Variants in GRIA1 observed in about 807,000 individuals in gnomAD.
GRIA1 encodes glutamate ionotropic receptor AMPA type subunit 1, also known as glutamate receptor 1.
Under a neutral mutation model 99.2 loss-of-function variants are expected in GRIA1, and 31 were observed. The observed-to-expected ratio is 0.31, with a 90% CI of 0.23 to 0.42. The LOEUF is 0.42. GRIA1 is among the 10% of genes least tolerant of loss of function. The probability of loss-of-function intolerance (pLI) is 1.00; values close to 1 mark genes in which losing one functional copy is unlikely to be tolerated. For synonymous variants in GRIA1, 438 were observed against 432.4 expected, an observed-to-expected ratio of 1.01 and a Z score of -0.16; for missense variants, 782 against 1,157.5, an observed-to-expected ratio of 0.68 and a Z score of 4.71.
intron 11 of GRIA1, among the ~76,000 whole-genome samples, chr5:153,720,522 G>A (rs762066290): frequency 3.3e-5 from 5 of 152,222 alleles, no homozygotes; most frequent in African/African-American, 7.2e-5. Flanking sequence ...TTTAGGCAAT[G>A]TTTGCTCAAT....
intron 2 of GRIA1, among the ~76,000 whole-genome samples, chr5:153,598,217 G>C (rs1404998182): frequency 6.6e-6 from 1 of 151,840 alleles, no homozygotes; most frequent in Non-Finnish European, 1.5e-5. Flanking sequence ...TCTTGTCAAA[G>C]TAGTATACTC....
intron 13 of GRIA1, among the ~76,000 whole-genome samples, chr5:153,792,098 TAA>T (rs896473568): frequency 2.6e-5 from 4 of 152,150 alleles, no homozygotes; most frequent in Admixed American, 2.0e-4. Flanking sequence ...CACTGTAGCA[TAA>T]GAGATAAAGT....
intron 2 of GRIA1, among the ~76,000 whole-genome samples, chr5:153,619,058 T>C (rs778832): frequency 0.2 from 30,485 of 152,254 alleles, 3,938 homozygotes; most frequent in Non-Finnish European, 0.28. Flanking sequence ...CAGACTTAGA[T>C]AGCACAGTCA....
intron 1 of GRIA1, chr5:153,492,329 G>C: frequency 2.0e-6 from 3 of 1,520,466 alleles, no homozygotes; most frequent in South Asian, 2.4e-5. Flanking sequence ...CTGTGTGTTA[G>C]TGCCTAACAC....
intron 11 of GRIA1, among the ~76,000 whole-genome samples, chr5:153,750,819 C>T (rs1359981982): frequency 6.6e-6 from 1 of 152,072 alleles, no homozygotes; most frequent in Non-Finnish European, 1.5e-5. Flanking sequence ...AAGCACAGGC[C>T]GGGCATGGTG....
chr5:153,571,717 A>G (rs975969881), intron 2 of GRIA1, among the ~76,000 whole-genome samples: 10 of 152,138 alleles, frequency 6.6e-5, no homozygotes, highest in Admixed American at 5.9e-4. Flanking sequence ...AACACCATCA[A>G]ATTTACATAT....
At chr5:153,692,674 A>C (rs1410851534) in intron 8 of GRIA1, among the ~76,000 whole-genome samples, 1 of 152,180 alleles carries the variant, frequency 6.6e-6, no homozygotes, top group Non-Finnish European at 1.5e-5. Context: ...TATTTTCTTC[A>C]TACTTCTCTA....
intron 2 of GRIA1, among the ~76,000 whole-genome samples, chr5:153,644,314 G>A (rs990035403): frequency 2.0e-5 from 3 of 152,158 alleles, no homozygotes; most frequent in African/African-American, 7.2e-5. Context: ...ACTCATTAGG[G>A]TGGAGGAGAA....
intron 14 of GRIA1, among the ~76,000 whole-genome samples, chr5:153,798,545 T>G (rs1344539934): frequency 1.3e-5 from 2 of 152,192 alleles, no homozygotes; most frequent in African/African-American, 4.8e-5. Context: ...GAGTTTATAC[T>G]TTCTCCAAGA....
chr5:153,564,207 C>T (rs1376549247), intron 2 of GRIA1, among the ~76,000 whole-genome samples: 1 of 152,144 alleles, frequency 6.6e-6, no homozygotes, highest in Non-Finnish European at 1.5e-5. Context: ...GTTATTGGAG[C>T]AGCATCTGTT....
chr5:153,563,118 G>A (rs964406996), intron 2 of GRIA1, among the ~76,000 whole-genome samples: 1 of 151,444 alleles, frequency 6.6e-6, no homozygotes, highest in Non-Finnish European at 1.5e-5. Context: ...AGAGGTTGTA[G>A]TGAGCCAAGA....
chr5:153,500,636 C>T (rs5009593), intron 2 of GRIA1, among the ~76,000 whole-genome samples: 5 of 139,976 alleles, frequency 3.6e-5, no homozygotes, highest in African/African-American at 9.6e-5. Flanking sequence ...CACACACACA[C>T]ACACACACAC....
intron 2 of GRIA1, among the ~76,000 whole-genome samples, chr5:153,565,533 C>A (rs1761538031): frequency 6.6e-6 from 1 of 152,090 alleles, no homozygotes; most frequent in Admixed American, 6.6e-5. Context: ...ACATTCATCG[C>A]CATAATCTAA....
intron 11 of GRIA1, among the ~76,000 whole-genome samples, chr5:153,733,013 A>G (rs1761152335): frequency 6.8e-6 from 1 of 148,052 alleles, no homozygotes; most frequent in African/African-American, 2.5e-5. Flanking sequence ...TGTATTCTTG[A>G]TATCTCTTTA....
chr5:153,546,277 A>G (rs1420377150), intron 2 of GRIA1, among the ~76,000 whole-genome samples: 2 of 152,190 alleles, frequency 1.3e-5, no homozygotes, highest in Non-Finnish European at 2.9e-5. Flanking sequence ...ACATCAGGGA[A>G]GAGATGGAGC....
chr5:153,777,413 A>C lies in GRIA1; in HGVS notation c.2270+6998A>C, dbSNP rs548444269. Reference sequence around the variant, plus strand: ...AGTATAAGGCCCGTTACCTTGCCAGAGTTTGACCTCACTGGGTAAGTCACT... The same window carrying C: ...AGTATAAGGCCCGTTACCTTGCCAGCGTTTGACCTCACTGGGTAAGTCACT... On this transcript the variant is annotated intron_variant, in intron 13 of 15. Transcript: ENST00000285900. Among the ~76,000 whole-genome samples the C allele has an allele frequency of 7.9e-5, 12 of 152,298 alleles. No individual in the cohort carries two copies. The South Asian group carries it at 2.5e-3, about 32-fold the overall frequency.
At chr5:153,756,753 C>T (rs1762859593) in intron 11 of GRIA1, among the ~76,000 whole-genome samples, 1 of 152,084 alleles carries the variant, frequency 6.6e-6, no homozygotes, top group Non-Finnish European at 1.5e-5. Context: ...GTTGAAATAG[C>T]TGCAGCAGTC....
chr5:153,810,907 G>A, intron 15 of GRIA1, 118 bp from the exon 16 acceptor site: 1 of 743,632 alleles, frequency 1.3e-6, no homozygotes, highest in Non-Finnish European at 2.4e-6. Flanking sequence ...TTGTAGAATA[G>A]GAAAGGGGGT....
At chr5:153,652,523 T>C (rs545526355) in intron 4 of GRIA1, among the ~76,000 whole-genome samples, 7 of 152,320 alleles carry the variant, frequency 4.6e-5, no homozygotes, top group African/African-American at 1.7e-4. Context: ...AAGTCAAACC[T>C]ATCTTGGTCT....
Sources: allele counts gnomAD v4.1 joint callset (sites outside exome capture counted in the v4.1 genomes callset), GRCh38; gene constraint gnomAD v4.1.1; transcripts MANE v1.5; gene names NCBI Gene and HGNC (gene_info 2026-07-23, HGNC 2026-07-21).